AKAP11: variants seen among roughly 807,000 people sequenced by gnomAD.
AKAP11 encodes the protein A-kinase anchoring protein 11, also known as A-kinase anchor protein 11.
Under a neutral mutation model 146.1 loss-of-function variants are expected in AKAP11, and 36 were observed. That is an observed-to-expected ratio of 0.25 (90% CI 0.19 to 0.33). AKAP11 has a LOEUF of 0.33. Ranked by LOEUF, AKAP11 falls within the 10% of genes least tolerant of loss-of-function variation. The probability of loss-of-function intolerance (pLI) is 1.00; values close to 1 mark genes in which losing one functional copy is unlikely to be tolerated. For missense variants in AKAP11, 2,201 were observed against 2,197.0 expected, an observed-to-expected ratio of 1.00 and a Z score of -0.04; for synonymous variants, 780 against 786.5, an observed-to-expected ratio of 0.99 and a Z score of 0.14.
chr13:42,288,360 C>T (rs1332450294), intron 3 of AKAP11, among the ~76,000 whole-genome samples: 3 of 152,048 alleles, frequency 2.0e-5, no homozygotes, highest in African/African-American at 7.2e-5. Context: ...ACGTACCTAC[C>T]ACCCATATTC....
At chr13:42,299,228 ATCTT>A (rs1959700321) in intron 7 of AKAP11, 131 bp from the exon 8 acceptor site, 4 of 765,482 alleles carry the variant, frequency 5.2e-6, no homozygotes, top group Middle Eastern at 7.6e-4. Flanking sequence ...ACTTGGGTGA[ATCTT>A]TCTGTTAAAC....
rs771225812 is a variant in AKAP11, at chr13:42,299,461, T to C, written c.715T>C (p.Ser239Pro). ...ETHDLKILIS[S>P]GQQKSLAKPS... ...CCATGATTTAAAGATTCTCATTAGC[T>C]CTGGACAGCAGAAGTCATTGGCTAA... Residue 239 changes from serine (S) to proline (P), a missense_variant, in exon 8 of 13, where the codon TCT becomes CCT. Ser to Pro is a moderately conservative substitution (Grantham distance 74). Coordinates refer to ENST00000025301, the MANE Select transcript of AKAP11 (RefSeq NM_016248.4). The C allele has an allele frequency of 6.2e-7, 1 of 1,613,892 alleles. No individual in the cohort carries two copies. The highest frequency in any genetic ancestry group is 8.5e-7 in the Non-Finnish European group (1 of 1,179,836).
At chr13:42,318,557 G>GTATTTATT (rs139227982) in intron 12 of AKAP11, among the ~76,000 whole-genome samples, 1 of 151,924 alleles carries the variant, frequency 6.6e-6, no homozygotes, top group Non-Finnish European at 1.5e-5. Flanking sequence ...ATTTAAACCT[G>GTATTTATT]TATTTATTTA....
rs891388524 is a variant in AKAP11 at position 42,322,465 on chromosome 13, A to G, written c.*3237A>G. 2.0e-5 allele frequency: 3 copies of G among 152,300 alleles called. No homozygotes were observed. The highest frequency in any genetic ancestry group is 7.2e-5 in the African/African-American group (3 of 41,464). The allele number at this position is 152,300 out of a possible 1,614,324, so 9.4% of individuals were successfully genotyped here. A position where few individuals can be genotyped will look rare whatever the true frequency, so the allele number is the denominator to read the frequency against. The stretch of plus-strand genomic sequence containing the variant: ...GCTGATATTCTTCCACAATTAATAT[A>G]TTCAATTTCCCATCAGTATATCACT... On this transcript the variant is annotated 3_prime_UTR_variant, in exon 13 of 13. Coordinates refer to ENST00000025301, the MANE Select transcript of AKAP11 (RefSeq NM_016248.4).
intron 8 of AKAP11, among the ~76,000 whole-genome samples, chr13:42,307,707 C>G (rs1278529873): frequency 5.3e-5 from 8 of 151,744 alleles, no homozygotes; most frequent in Non-Finnish European, 1.2e-4. Context: ...CCAGGGAGAA[C>G]AGTAGGAGTT....
chr13:42,311,543 G>A (rs1960564175), intron 9 of AKAP11, among the ~76,000 whole-genome samples: 1 of 152,052 alleles, frequency 6.6e-6, no homozygotes. Context: ...CAAAGAGGGA[G>A]GGGTGATAAG....
chr13:42,318,078 TG>T (rs1960907781), intron 12 of AKAP11, among the ~76,000 whole-genome samples: 3 of 152,226 alleles, frequency 2.0e-5, no homozygotes, highest in African/African-American at 7.2e-5. Flanking sequence ...GATTTGTAAT[TG>T]TACCTAATGA....
In AKAP11 at chr13:42,301,741, T is replaced by C. The variant is rs1475783145; in HGVS notation, c.2995T>C (p.Ser999Pro). 5 of 1,614,022 alleles carry C rather than the reference T, an allele frequency of 3.1e-6. No homozygotes were observed. The highest frequency in any genetic ancestry group is 4.2e-6 in the Non-Finnish European group (5 of 1,180,014). ...PDSQNQLTHC[S>P]LSAAKDCVPE... ...CTCTCAGAATCAGTTAACTCACTGC[T>C]CACTTTCAGCTGCAAAGGATTGTGT... Residue 999 changes from serine (S) to proline (P), a missense_variant, in exon 8 of 13, where the codon TCA (serine) becomes CCA (proline). Ser to Pro is a moderately conservative substitution (Grantham distance 74). Transcript: ENST00000025301.
At chr13:42,312,907 C>A in intron 9 of AKAP11, 140 bp from the exon 10 acceptor site, 1 of 673,556 alleles carries the variant, frequency 1.5e-6, no homozygotes, top group South Asian at 1.9e-5. Context: ...GATGGTCAAT[C>A]TCCTCTCTGG....
At chr13:42,277,135 A>T (rs3783191) in intron 1 of AKAP11, among the ~76,000 whole-genome samples, 1 of 152,152 alleles carries the variant, frequency 6.6e-6, no homozygotes, top group African/African-American at 2.4e-5. Context: ...TGCCATACAC[A>T]TATACAAAGT....
chr13:42,276,868 T>C (rs757837809), intron 1 of AKAP11, among the ~76,000 whole-genome samples: 6 of 152,232 alleles, frequency 3.9e-5, no homozygotes, highest in South Asian at 2.1e-4. Context: ...TTCAGCAATA[T>C]ACTCTTAGAG....
At chr13:42,288,926 T>C (rs767384546) in intron 3 of AKAP11, among the ~76,000 whole-genome samples, 5 of 152,194 alleles carry the variant, frequency 3.3e-5, no homozygotes, top group African/African-American at 4.8e-5. Flanking sequence ...GCAAGAATAC[T>C]TTATAGGGTG....
intron 3 of AKAP11, among the ~76,000 whole-genome samples, chr13:42,291,634 G>T (rs1959218057): frequency 6.6e-6 from 1 of 152,130 alleles, no homozygotes; most frequent in African/African-American, 2.4e-5. Context: ...TTAGGACTAA[G>T]GAATGGAAAA....
rs1959724558 is a variant in AKAP11, at chr13:42,299,534, C to G, written c.788C>G (p.Ser263Cys). 1.3e-5 allele frequency: 21 copies of G among 1,613,984 alleles called. No homozygotes were observed. The highest frequency in any genetic ancestry group is 1.6e-5 in the Non-Finnish European group (19 of 1,179,878). The change falls in exon 8 of 13, where the codon TCT (serine) becomes TGT (cysteine). Residue 263 changes from serine to cysteine, a missense_variant. Transcript: ENST00000025301. ...VNVLGHKELP[S>C]VKTSVTTSIS... ...GTCCTGGGACATAAAGAACTACCTT[C>G]TGTGAAAACTTCAGTCACAACATCA... is the stretch of plus-strand genomic sequence containing the variant.
At position 42,299,608 on chromosome 13, in the gene AKAP11, T is replaced by C; in HGVS notation, c.862T>C (p.Ser288Pro). 6.2e-7 allele frequency: 1 copy of C among 1,613,978 alleles called. No homozygotes were observed. The highest frequency in any genetic ancestry group is 8.5e-7 in the Non-Finnish European group (1 of 1,179,886). ...GAGTTTCTATAGGTCATCTAATGCT[T>C]CAGATAAAGATAGTGATTTACAGAA... ...QRSFYRSSNA[S>P]DKDSDLQKTF... Residue 288 changes from serine (S) to proline (P), a missense_variant, in exon 8 of 13, where the codon TCA (serine) becomes CCA (proline). Physicochemically the swap from Ser to Pro is moderately conservative, Grantham distance 74 (BLOSUM62 -1). Transcript: ENST00000025301.
chr13:42,303,305 T>G lies in AKAP11; in HGVS notation c.4559T>G (p.Phe1520Cys). Residue 1520 changes from phenylalanine to cysteine, a missense_variant, in exon 8 of 13, where the codon TTT becomes TGT. Coordinates refer to ENST00000025301, the MANE Select transcript of AKAP11 (RefSeq NM_016248.4). Reference protein sequence around the residue: ...SLQPSSQNHRFYHSTGSLNGY... With the variant: ...SLQPSSQNHRCYHSTGSLNGY... Reference sequence around the variant, plus strand: ...CAGCCTTCCTCACAAAATCACAGGTTTTACCACAGCACTGGCAGTTTAAAT... The same window carrying G: ...CAGCCTTCCTCACAAAATCACAGGTGTTACCACAGCACTGGCAGTTTAAAT... 2 of 1,612,854 alleles carry G rather than the reference T, an allele frequency of 1.2e-6. No individual in the cohort carries two copies. Among genetic ancestry groups the G allele is most frequent in the African/African-American group, 2.7e-5 (2 of 75,038 alleles).
In AKAP11 at chr13:42,308,591, TTCA is replaced by T. The variant is rs1280542229; in HGVS notation, c.5261_5263del (p.His1754del). 2 of 1,612,346 alleles carry T rather than the reference TTCA, an allele frequency of 1.2e-6. No individual in the cohort carries two copies. Among genetic ancestry groups the T allele is most frequent in the Admixed American group, 3.3e-5 (2 of 59,934 alleles). ...GAACACCAAGATGAAAGCAGCAGTTTTCATCATCTAAGTGAAAGGTAACTACAC... is the reference window on the plus strand; with the variant it reads ...GAACACCAAGATGAAAGCAGCAGTTTTCATCTAAGTGAAAGGTAACTACAC... On this transcript the variant is annotated inframe_deletion, in exon 9 of 13. Transcript: ENST00000025301.
At chr13:42,312,869 C>T (rs1960628886) in intron 9 of AKAP11, among the ~76,000 whole-genome samples, 178 bp from the exon 10 acceptor site, 1 of 152,216 alleles carries the variant, frequency 6.6e-6, no homozygotes, top group East Asian at 1.9e-4. Context: ...AATCTCTGAA[C>T]TTGTCAGGCA....
Position 42,301,887 on chromosome 13 carries a change from G to A in AKAP11, c.3141G>A (p.Lys1047=). The A allele has an allele frequency of 6.2e-7, 1 of 1,614,116 alleles. No homozygotes were observed. The highest frequency in any genetic ancestry group is 8.5e-7 in the Non-Finnish European group (1 of 1,180,000). Residue 1047 remains lysine, a synonymous_variant, in exon 8 of 13, where the codon AAG becomes AAA. Transcript: ENST00000025301. ...CTGCTAAGGATCAACCACTGAAAAA[G>A]CATAACTTGAATAGTACATCACTTG... The part of the protein sequence containing the change: ...KESAKDQPLK[K]HNLNSTSLEA...
Sources: gnomAD v4.1 joint callset for allele counts (sites outside exome capture counted in the v4.1 genomes callset) on GRCh38, gnomAD v4.1.1 for gene constraint, MANE v1.5 for transcripts, NCBI Gene and HGNC (gene_info 2026-07-23, HGNC 2026-07-21) for gene names.